GPR143: variants seen among roughly 807,000 people sequenced by gnomAD.
GPR143 encodes the protein G protein-coupled receptor 143.
GPR143 carries 8 observed loss-of-function variants against 27.6 expected under a neutral mutation model. The ratio of observed to expected loss-of-function variants is 0.29; its 90% CI spans 0.17 to 0.52. The LOEUF (loss-of-function observed/expected upper bound fraction) is 0.52, where lower values mean the gene tolerates loss of function less well. Among genes scored for constraint, GPR143 ranks in the 20% least tolerant of loss-of-function variants. The pLI, the probability that GPR143 is intolerant of heterozygous loss-of-function variation, is 0.96. For missense variants in GPR143, 303 were observed against 343.1 expected, an observed-to-expected ratio of 0.88 and a Z score of 0.92; for synonymous variants, 156 against 153.2, an observed-to-expected ratio of 1.02 and a Z score of -0.13.
chrX:9,770,160 CAAAAAAAAAAAAA>C (rs55901901), upstream of GPR143, among the ~76,000 whole-genome samples: 3 of 26,828 alleles, frequency 1.1e-4, no homozygotes, highest in East Asian at 1.9e-3. Flanking sequence ...CTCCCCCAGT[CAAAAAAAAAAAAA>C]AAAAAAAAAA....
intron 5 of GPR143, among the ~76,000 whole-genome samples, chrX:9,744,637 G>A (rs1020415051): frequency 1.8e-5 from 2 of 111,102 alleles, no homozygotes; most frequent in African/African-American, 3.3e-5. Flanking sequence ...CCTGGGAGGC[G>A]GAGGTTTCAG....
At chrX:9,765,354 C>T (rs1330704862) in intron 1 of GPR143, among the ~76,000 whole-genome samples, 1 of 109,401 alleles carries the variant, frequency 9.1e-6, no homozygotes, top group Admixed American at 9.6e-5. Context: ...AGCCGGGGAC[C>T]GAGCAGGTCC....
At chrX:9,728,399 CA>C (rs59182343) in intron 8 of GPR143, among the ~76,000 whole-genome samples, 5,689 of 76,988 alleles carry the variant, frequency 0.074, 179 homozygotes, top group African/African-American at 0.13. Flanking sequence ...TGTTAAGGAA[CA>C]AAAAAAAAAA....
intron 8 of GPR143, among the ~76,000 whole-genome samples, chrX:9,733,323 T>C (rs1338342049): frequency 2.7e-5 from 3 of 110,945 alleles, no homozygotes; most frequent in African/African-American, 9.9e-5. Flanking sequence ...AAACACAGAA[T>C]TGCGGGAAAG....
chrX:9,754,608 C>T lies in GPR143; in HGVS notation c.455+4724G>A, dbSNP rs769317031. Among the ~76,000 whole-genome samples the T allele has an allele frequency of 3.6e-5, 4 of 111,395 alleles. No individual in the cohort carries two copies. In the South Asian group the frequency reaches 1.5e-3, roughly 42 times the overall value. On this transcript the variant is annotated intron_variant, in intron 3 of 8. Coordinates refer to ENST00000467482, the MANE Select transcript of GPR143 (RefSeq NM_000273.3). ...CCCCCACTGGCTGAAGACCCTTGGTCCCAACATCCTGCCTTCTGATCACTG... is the reference window on the plus strand; with the variant it reads ...CCCCCACTGGCTGAAGACCCTTGGTTCCAACATCCTGCCTTCTGATCACTG...
chrX:9,746,185 A>C, intron 4 of GPR143, 32 bp from the exon 5 acceptor site: 16 of 916,308 alleles, frequency 1.7e-5, no homozygotes, highest in Non-Finnish European at 2.4e-5. Flanking sequence ...CATTCTTCTC[A>C]AAAGCAAAGT....
At chrX:9,777,856 C>T (rs1429183627) in intron 1 of GPR143, among the ~76,000 whole-genome samples, 4 of 108,338 alleles carry the variant, frequency 3.7e-5, no homozygotes, top group African/African-American at 6.7e-5. Flanking sequence ...TTTGGGAGGC[C>T]GAGGCGGGAG....
chrX:9,753,859 C>T (rs1282486979), intron 3 of GPR143, among the ~76,000 whole-genome samples: 1 of 111,772 alleles, frequency 8.9e-6, no homozygotes, highest in African/African-American at 3.3e-5. Context: ...GAGAGGAGAG[C>T]GGGGGACTTG....
At chrX:9,760,572 A>G in intron 2 of GPR143, 145 bp downstream of exon 2, 3 of 471,501 alleles carry the variant, frequency 6.4e-6, no homozygotes, top group Middle Eastern at 5.9e-4. Context: ...GGGTTTTGTT[A>G]AAACAGAGAG....
At chrX:9,734,479 C>T (rs750056181) in intron 8 of GPR143, among the ~76,000 whole-genome samples, 10 of 111,487 alleles carry the variant, frequency 9.0e-5, no homozygotes, top group African/African-American at 2.9e-4. Context: ...GATACAGCTA[C>T]GCTCCTTTCT....
At chrX:9,761,197 A>G (rs1030446546) in intron 1 of GPR143, among the ~76,000 whole-genome samples, 1 of 111,110 alleles carries the variant, frequency 9.0e-6, no homozygotes, top group Non-Finnish European at 1.9e-5. Flanking sequence ...AGGTTTAAGT[A>G]ATTCTCCTGC....
rs768285802 is a variant in GPR143, at chrX:9,731,255, G to C, written c.1121-5415C>G. Among the ~76,000 whole-genome samples, 7 of 111,607 alleles carry C rather than the reference G, an allele frequency of 6.3e-5. No homozygotes were observed. In the East Asian group the frequency reaches 1.1e-3, roughly 18 times the overall value. On this transcript the variant is annotated intron_variant, in intron 8 of 8. Coordinates refer to ENST00000467482, the MANE Select transcript of GPR143 (RefSeq NM_000273.3). Reference sequence around the variant, plus strand: ...ACGAAAAATACAAAAAAAGTAGCTGGAACTTAGGGAGCCTGAGGCAGGAGA... The same window carrying C: ...ACGAAAAATACAAAAAAAGTAGCTGCAACTTAGGGAGCCTGAGGCAGGAGA...
At chrX:9,726,995 T>C (rs1027117282) in intron 8 of GPR143, among the ~76,000 whole-genome samples, 1 of 112,447 alleles carries the variant, frequency 8.9e-6, no homozygotes, top group Non-Finnish European at 1.9e-5. Flanking sequence ...ATCATTCTGA[T>C]AGTGACAGGA....
upstream of GPR143, among the ~76,000 whole-genome samples, chrX:9,771,044 A>G (rs2083552959): frequency 8.9e-6 from 1 of 111,797 alleles, no homozygotes; most frequent in African/African-American, 3.2e-5. Context: ...TGATCCCAGC[A>G]CTTTGGGAGG....
At chrX:9,745,555 C>T (rs766343774) in intron 5 of GPR143, among the ~76,000 whole-genome samples, 37 of 111,910 alleles carry the variant, frequency 3.3e-4, no homozygotes, top group South Asian at 1.5e-3. Context: ...ATGTTGCCAA[C>T]GACTTCATTA....
intron 1 of GPR143, among the ~76,000 whole-genome samples, chrX:9,777,805 A>AAG (rs61645798): frequency 1.9e-5 from 2 of 105,925 alleles, no homozygotes; most frequent in African/African-American, 6.9e-5. Context: ...AAAAAAAAAA[A>AAG]GGGGGCCAGG....
intron 5 of GPR143, among the ~76,000 whole-genome samples, chrX:9,744,542 T>C (rs146701388): frequency 0.013 from 1,444 of 110,284 alleles, 23 homozygotes; most frequent in African/African-American, 0.045. Context: ...CCATCTCTAC[T>C]AAAAATGCAA....
At chrX:9,738,635 T>G in intron 8 of GPR143, 1 of 382,622 alleles carries the variant, frequency 2.6e-6, no homozygotes, top group Non-Finnish European at 3.3e-6. Flanking sequence ...GTTTTTGTTT[T>G]GTTTTTTAGA....
At chrX:9,726,122 C>T in intron 8 of GPR143, 1 of 316,489 alleles carries the variant, frequency 3.2e-6, no homozygotes, top group Non-Finnish European at 4.2e-6. Context: ...GTGACTGCGG[C>T]ACAGATGCTG....
Sources: gnomAD v4.1 joint callset for allele counts (sites outside exome capture counted in the v4.1 genomes callset) on GRCh38, gnomAD v4.1.1 for gene constraint, MANE v1.5 for transcripts, NCBI Gene and HGNC (gene_info 2026-07-23, HGNC 2026-07-21) for gene names.